STK32B: variants seen among roughly 807,000 people sequenced by gnomAD.
The protein encoded by STK32B is serine/threonine-protein kinase 32B.
A neutral mutation model predicts 52.6 loss-of-function variants in STK32B; 43 were observed. The ratio of observed to expected loss-of-function variants is 0.82; its 90% confidence interval spans 0.64 to 1.05. STK32B has a LOEUF of 1.05. Ranked by LOEUF, STK32B falls within the 50% of genes least tolerant of loss-of-function variation. STK32B has a pLI of 0.00. For missense variants in STK32B, 621 were observed against 534.6 expected (o/e 1.16, Z -1.59); for synonymous variants, 238 against 204.3 (o/e 1.17, Z -1.41).
At chr4:5,491,694 G>C (rs1719748212) in intron 11 of STK32B, among the ~76,000 whole-genome samples, 1 of 151,998 alleles carries the variant, frequency 6.6e-6, no homozygotes, top group South Asian at 2.1e-4. Context: ...TTTTCTTCTA[G>C]GGTTTTTATG....
rs2369713 is a variant in STK32B, at chr4:5,500,108, G to A, written c.*1025G>A. 1 allele frequency: 151,585 copies of A among 152,326 alleles called. 75,429 individuals carry two copies. The highest frequency in any genetic ancestry group is 1 in the East Asian group (5,168 of 5,168). The allele number at this position is 152,326 out of a possible 1,614,324, so 9.4% of individuals were successfully genotyped here. ...CACACAAAAAGCAAACTACATTCTG[G>A]TCTGCTCAGGGAGAAGCTTGCCTTT... On this transcript the variant is annotated 3_prime_UTR_variant, in exon 12 of 12. Coordinates refer to ENST00000282908, the MANE Select transcript of STK32B (RefSeq NM_018401.3).
chr4:5,241,821 G>C (rs927344007), intron 3 of STK32B, among the ~76,000 whole-genome samples: 1 of 152,116 alleles, frequency 6.6e-6, no homozygotes, highest in South Asian at 2.1e-4. Context: ...GTGAGAACAT[G>C]CGGTGTTTGG....
At chr4:5,466,924 C>A in intron 10 of STK32B, 90 bp downstream of exon 10, 1 of 1,454,580 alleles carries the variant, frequency 6.9e-7, no homozygotes, top group Non-Finnish European at 9.2e-7. Context: ...AAAAAGGGGA[C>A]ATTTCAATCC....
In STK32B at chr4:5,354,507, C is replaced by A. The variant is rs528394923; in HGVS notation, c.434+23114C>A. Among the ~76,000 whole-genome samples, 219 of 152,322 alleles carry A rather than the reference C, an allele frequency of 1.4e-3. 1 individual carries two copies. Among genetic ancestry groups the A allele is most frequent in the South Asian group, 5.2e-3 (25 of 4,816 alleles). On this transcript the variant is annotated intron_variant, in intron 4 of 11. Transcript: ENST00000282908. The stretch of plus-strand genomic sequence containing the variant: ...TCTCAAACTCCTGACTTCAGGTGAT[C>A]CGCCCACCTTGACCTCTCAAAGTGC...
chr4:5,205,708 G>GC (rs879611096), intron 3 of STK32B, among the ~76,000 whole-genome samples: 34,836 of 133,168 alleles, frequency 0.26, 5,076 homozygotes, highest in Non-Finnish European at 0.37. Context: ...GCGCGCGTGT[G>GC]TGTGTGTGTG....
chr4:5,332,763 TG>T (rs1040028282), intron 4 of STK32B, among the ~76,000 whole-genome samples: 9 of 152,222 alleles, frequency 5.9e-5, no homozygotes, highest in African/African-American at 2.2e-4. Context: ...TTTTTGTCCT[TG>T]CCATAGTTTA....
chr4:5,191,831 C>T (rs543038895), intron 3 of STK32B, among the ~76,000 whole-genome samples: 119 of 152,292 alleles, frequency 7.8e-4, no homozygotes, highest in African/African-American at 2.9e-3. Context: ...GAATTGAAGG[C>T]AGCACATGAA....
chr4:5,196,725 A>G lies in STK32B; in HGVS notation c.260+28275A>G, dbSNP rs985696425. Among the ~76,000 whole-genome samples the G allele has an allele frequency of 2.8e-4, 19 of 68,566 alleles. No individual in the cohort carries two copies. The South Asian group carries it at 0.011, about 40-fold the overall frequency. The allele number at this position is 68,566 out of a possible 152,430, so 45.0% of individuals were successfully genotyped here. On this transcript the variant is annotated intron_variant, in intron 3 of 11. Coordinates refer to ENST00000282908, the MANE Select transcript of STK32B (RefSeq NM_018401.3). ...GGCAGAGCGAGACTCTGTCTCAAAAAAATAAAATAAAATAAAATAAAATAA... is the reference window on the plus strand; with the variant it reads ...GGCAGAGCGAGACTCTGTCTCAAAAGAATAAAATAAAATAAAATAAAATAA...
chr4:5,217,711 G>C (rs1452063515), intron 3 of STK32B, among the ~76,000 whole-genome samples: 1 of 152,156 alleles, frequency 6.6e-6, no homozygotes, highest in African/African-American at 2.4e-5. Context: ...TGTCTCTTAA[G>C]TCTAATGTCT....
chr4:5,255,803 A>G (rs1223094575), intron 3 of STK32B, among the ~76,000 whole-genome samples: 1 of 152,172 alleles, frequency 6.6e-6, no homozygotes, highest in African/African-American at 2.4e-5. Flanking sequence ...CTATATGAAT[A>G]TACTCTATTT....
At chr4:5,287,689 C>CTT (rs11447982) in intron 3 of STK32B, among the ~76,000 whole-genome samples, 11 of 150,674 alleles carry the variant, frequency 7.3e-5, no homozygotes, top group East Asian at 3.9e-4. Context: ...TTATAAAATT[C>CTT]TTTTTTTTTA....
At position 5,258,238 on chromosome 4, in the gene STK32B, C is replaced by T. The variant is rs372144311; in HGVS notation, c.261-72982C>T. On this transcript the variant is annotated intron_variant, in intron 3 of 11. Transcript: ENST00000282908. ...TGAGAAGTGACACATCTGAGTTAAA[C>T]GTGCAGGGGGACAGTGCCTGGGTTC... Among the ~76,000 whole-genome samples the T allele has an allele frequency of 3.3e-5, 5 of 152,324 alleles. No homozygotes were observed. The South Asian group carries it at 8.3e-4, about 25-fold the overall frequency.
Position 5,398,164 on chromosome 4 carries a change from G to A in STK32B, c.435-43G>A. On this transcript the variant is annotated intron_variant, in intron 4 of 11. Transcript: ENST00000282908. This position sits in a 1 kb window ranked among gnomAD's most constrained non-coding sequence, Gnocchi z 4.9. ...GTGCTTGTCTATGTGCTCATCTGTG[G>A]GCTCAGGAACCACATTGCCAGCTTC... 1 of 1,611,876 alleles carries A rather than the reference G, an allele frequency of 6.2e-7. No homozygotes were observed. The highest frequency in any genetic ancestry group is 8.5e-7 in the Non-Finnish European group (1 of 1,178,876).
rs1351382499 is a variant in STK32B at position 5,051,821 on chromosome 4, A to G, written c.-43A>G. The G allele has an allele frequency of 2.5e-6, 4 of 1,570,972 alleles. No individual in the cohort carries two copies. The Admixed American group carries it at 7.4e-5, about 29-fold the overall frequency. On this transcript the variant is annotated 5_prime_UTR_variant, in exon 1 of 12. Coordinates refer to ENST00000282908, the MANE Select transcript of STK32B (RefSeq NM_018401.3). ...GCGCGTCCCACATCCCGCATCCGGC[A>G]TCCCAGCGGCCGGGCATGTAGCAGC... is the stretch of plus-strand genomic sequence containing the variant.
chr4:5,404,339 C>T (rs924258331), intron 5 of STK32B, among the ~76,000 whole-genome samples: 5 of 152,082 alleles, frequency 3.3e-5, no homozygotes, highest in Non-Finnish European at 7.4e-5. Flanking sequence ...CTTCACATGG[C>T]ATTTTCCCTG....
At chr4:5,249,441 A>ACCTT (rs149485895) in intron 3 of STK32B, among the ~76,000 whole-genome samples, 2,367 of 137,220 alleles carry the variant, frequency 0.017, 38 homozygotes, top group East Asian at 0.024. Flanking sequence ...CTTCCTACCT[A>ACCTT]CCTTCCTTCC....
chr4:5,138,937 A>C lies in STK32B; in HGVS notation c.53-968A>C, dbSNP rs190003064. ...CAGCTGGAGCCCTGCAGCCCTGGGG[A>C]AGGATTTCCTTTTTCCACTGAGAGC... On this transcript the variant is annotated intron_variant, in intron 1 of 11. Coordinates refer to ENST00000282908, the MANE Select transcript of STK32B (RefSeq NM_018401.3). 1.7e-4 allele frequency among the ~76,000 whole-genome samples: 26 copies of C among 152,244 alleles called. No individual in the cohort carries two copies. The East Asian group carries it at 5.0e-3, about 29-fold the overall frequency.
chr4:5,434,531 T>G (rs1446129869), intron 6 of STK32B, among the ~76,000 whole-genome samples: 1 of 151,952 alleles, frequency 6.6e-6, no homozygotes, highest in Non-Finnish European at 1.5e-5. Context: ...ATGTATGGCC[T>G]TTGAAGGAGA....
chr4:5,451,068 G>C (rs909174190), intron 7 of STK32B, among the ~76,000 whole-genome samples: 1 of 152,178 alleles, frequency 6.6e-6, no homozygotes, highest in African/African-American at 2.4e-5. Context: ...CACCTGCAGG[G>C]TCATGTGAGA....
Sources: allele counts gnomAD v4.1 joint callset (sites outside exome capture counted in the v4.1 genomes callset), GRCh38; gene constraint gnomAD v4.1.1; non-coding constraint Gnocchi (gnomAD v3.1); transcripts MANE v1.5; gene names NCBI Gene and HGNC (gene_info 2026-07-23, HGNC 2026-07-21).